Variants in SYBU observed in about 807,000 individuals in gnomAD.
The protein encoded by SYBU is syntabulin.
In SYBU, 21 loss-of-function variants were observed where a neutral mutation model predicts 35.9. That is an observed-to-expected ratio of 0.58 (90% confidence interval 0.41 to 0.84). The LOEUF is 0.84. Ranked by LOEUF, SYBU falls within the 40% of genes least tolerant of loss-of-function variation. The pLI is 0.00. For missense variants in SYBU, 768 were observed against 848.2 expected (o/e 0.91, Z 1.17); for synonymous variants, 319 against 324.3 (o/e 0.98, Z 0.18).
chr8:109,628,342 CTTTT>C (rs111654259), intron 2 of SYBU, among the ~76,000 whole-genome samples: 1 of 141,812 alleles, frequency 7.1e-6, no homozygotes, highest in Non-Finnish European at 1.5e-5. Context: ...AACCACATCT[CTTTT>C]TTTTTTTTTT....
At chr8:109,605,838 T>C (rs1319601596) in intron 3 of SYBU, among the ~76,000 whole-genome samples, 2 of 152,122 alleles carry the variant, frequency 1.3e-5, no homozygotes, top group Non-Finnish European at 2.9e-5. Flanking sequence ...ATGAAATTGC[T>C]TTTTTTCAAA....
chr8:109,597,056 T>C (rs919217203), intron 3 of SYBU, among the ~76,000 whole-genome samples: 14 of 152,194 alleles, frequency 9.2e-5, no homozygotes, highest in African/African-American at 2.7e-4. Context: ...TGACCCATTG[T>C]CTCATGGTAG....
At chr8:109,642,438 G>C (rs969528554) in intron 2 of SYBU, among the ~76,000 whole-genome samples, 1 of 152,140 alleles carries the variant, frequency 6.6e-6, no homozygotes, top group Non-Finnish European at 1.5e-5. Flanking sequence ...AGAAATTAAA[G>C]TATAATAAAA....
chr8:109,664,389 A>G (rs778032447), intron 1 of SYBU, among the ~76,000 whole-genome samples: 1 of 152,202 alleles, frequency 6.6e-6, no homozygotes, highest in Non-Finnish European at 1.5e-5. Context: ...AACAAAAACA[A>G]CAAGAAAAGA....
At chr8:109,608,167 C>G in intron 3 of SYBU, 1 of 490,616 alleles carries the variant, frequency 2.0e-6, no homozygotes, top group Admixed American at 3.7e-5. Flanking sequence ...GGCCTTCTCC[C>G]TGGTGACTGC....
intron 2 of SYBU, among the ~76,000 whole-genome samples, chr8:109,622,697 T>C (rs1812565268): frequency 6.6e-6 from 1 of 152,238 alleles, no homozygotes; most frequent in African/African-American, 2.4e-5. Flanking sequence ...TTCTGTTTTC[T>C]TCTGCTACCT....
chr8:109,643,534 AATCCG>A (rs1470006712), intron 1 of SYBU: 5 of 153,616 alleles, frequency 3.3e-5, no homozygotes, highest in African/African-American at 9.7e-5. Flanking sequence ...AGCAAACACA[AATCCG>A]ATACTCGGGA....
intron 3 of SYBU, among the ~76,000 whole-genome samples, chr8:109,615,993 TTTTCTTTTC>T (rs1224245574): frequency 1.5e-5 from 2 of 131,298 alleles, no homozygotes; most frequent in South Asian, 2.6e-4. Flanking sequence ...ATTTCTTTTC[TTTTCTTTTC>T]TTTCTTTTTT....
chr8:109,590,733 A>G (rs1824131431), intron 3 of SYBU, among the ~76,000 whole-genome samples: 1 of 151,322 alleles, frequency 6.6e-6, no homozygotes, highest in African/African-American at 2.4e-5. Flanking sequence ...ATAAAAGGTT[A>G]ATCTCCTTAA....
At chr8:109,627,222 G>T (rs1813088350) in intron 2 of SYBU, among the ~76,000 whole-genome samples, 1 of 152,158 alleles carries the variant, frequency 6.6e-6, no homozygotes, top group South Asian at 2.1e-4. Context: ...TGATTCTCAT[G>T]AACAATGGAA....
chr8:109,688,169 A>G (rs958937758), intron 1 of SYBU, among the ~76,000 whole-genome samples: 1 of 152,236 alleles, frequency 6.6e-6, no homozygotes, highest in African/African-American at 2.4e-5. Context: ...GGAGAAATGT[A>G]ACTAACAGAT....
Position 109,575,734 on chromosome 8 carries a change from C to G in SYBU, c.1164G>C (p.Leu388=). 1.2e-6 allele frequency: 2 copies of G among 1,614,200 alleles called. No homozygotes were observed. The highest frequency in any genetic ancestry group is 1.7e-6 in the Non-Finnish European group (2 of 1,180,018). The part of the protein sequence containing the change: ...MAHSGSLRDE[L]CLDFPCDSPE... ...GGGAATCACATGGAAAGTCTAGGCACAGTTCGTCCCTCAGAGAGCCACTGT... is the reference window on the plus strand; with the variant it reads ...GGGAATCACATGGAAAGTCTAGGCAGAGTTCGTCCCTCAGAGAGCCACTGT... The change falls in exon 7 of 7, where the codon CTG becomes CTC. Residue 388 remains leucine (L), a synonymous_variant. Transcript: ENST00000276646.
chr8:109,591,972 C>T (rs529048085), intron 3 of SYBU, among the ~76,000 whole-genome samples: 1 of 151,828 alleles, frequency 6.6e-6, no homozygotes, highest in African/African-American at 2.4e-5. Flanking sequence ...CTCTCTCTGC[C>T]TTAGTATCCT....
chr8:109,605,342 T>A (rs1004579279), intron 3 of SYBU, among the ~76,000 whole-genome samples: 3 of 152,216 alleles, frequency 2.0e-5, no homozygotes, highest in African/African-American at 4.8e-5. Context: ...AGCTAGGCCA[T>A]CTGAGTGATA....
At chr8:109,687,432 C>T (rs902396691) in intron 1 of SYBU, among the ~76,000 whole-genome samples, 24 of 152,192 alleles carry the variant, frequency 1.6e-4, no homozygotes, top group African/African-American at 5.5e-4. Context: ...AATTATGGCA[C>T]CACTGTTAAT....
At chr8:109,674,329 C>G (rs28867843) in intron 1 of SYBU, among the ~76,000 whole-genome samples, 1 of 151,934 alleles carries the variant, frequency 6.6e-6, no homozygotes, top group Admixed American at 6.6e-5. Flanking sequence ...AGACTAACAG[C>G]GGATCTCTCT....
chr8:109,644,030 C>T (rs532386260), intron 1 of SYBU: 1 of 452,950 alleles, frequency 2.2e-6, no homozygotes, highest in South Asian at 1.6e-5. Context: ...ACATGACCTA[C>T]TGTTCCTTCC....
intron 1 of SYBU, among the ~76,000 whole-genome samples, chr8:109,665,582 T>C (rs567072774): frequency 2.0e-5 from 3 of 152,350 alleles, no homozygotes; most frequent in African/African-American, 7.2e-5. Flanking sequence ...AGCTTCACTT[T>C]TGACTTCAAA....
rs1821975198 is a variant in SYBU at position 109,574,379 on chromosome 8, T to A, written c.*527A>T. ...GCCATTTAAGACTTTGGAGCTACAT[T>A]TAGTAAAAAATTGCAAACACTCAAA... On this transcript the variant is annotated 3_prime_UTR_variant, in exon 7 of 7. Transcript: ENST00000276646. 1 of 152,834 alleles carries A rather than the reference T, an allele frequency of 6.5e-6. No individual in the cohort carries two copies. Among genetic ancestry groups the A allele is most frequent in the East Asian group, 1.9e-4 (1 of 5,192 alleles). The allele number at this position is 152,834 out of a possible 1,614,324, so 9.5% of individuals were successfully genotyped here.
Sources: gnomAD v4.1 joint callset for allele counts (sites outside exome capture counted in the v4.1 genomes callset) on GRCh38, gnomAD v4.1.1 for gene constraint, MANE v1.5 for transcripts, NCBI Gene and HGNC (gene_info 2026-07-23, HGNC 2026-07-21) for gene names.